The following ANO3 variants were observed in gnomAD, a reference collection of about 807,000 sequenced individuals.
The protein encoded by ANO3 is anoctamin 3.
A neutral mutation model predicts 144.8 loss-of-function variants in ANO3; 99 were observed. The ratio of observed to expected loss-of-function variants is 0.68; its 90% CI spans 0.58 to 0.81. The LOEUF is 0.81. Ranked by LOEUF, ANO3 falls within the 30% of genes least tolerant of loss-of-function variation. ANO3 has a pLI of 0.00. For missense variants in ANO3, 905 were observed against 1,202.2 expected (o/e 0.75, Z 3.66); for synonymous variants, 414 against 392.6 (o/e 1.05, Z -0.64).
intron 1 of ANO3, among the ~76,000 whole-genome samples, chr11:26,283,793 A>G (rs1372484709): frequency 6.6e-6 from 1 of 152,208 alleles, no homozygotes; most frequent in Non-Finnish European, 1.5e-5. Context: ...ATAATAAGCC[A>G]CCAAACATAT....
chr11:26,362,074 G>C (rs1038168403), intron 1 of ANO3, among the ~76,000 whole-genome samples: 1 of 152,062 alleles, frequency 6.6e-6, no homozygotes, highest in African/African-American at 2.4e-5. Flanking sequence ...TAGGACTCAG[G>C]TTGCAGCTTC....
At chr11:26,216,082 T>C (rs1239266710) in intron 1 of ANO3, among the ~76,000 whole-genome samples, 1 of 152,030 alleles carries the variant, frequency 6.6e-6, no homozygotes, top group African/African-American at 2.4e-5. Context: ...AGTTAGGTTG[T>C]TTCATGTATT....
chr11:26,380,325 GT>G (rs767738010), intron 1 of ANO3, among the ~76,000 whole-genome samples: 50 of 152,262 alleles, frequency 3.3e-4, no homozygotes, highest in Non-Finnish European at 4.3e-4. Context: ...TTCTTTGCCA[GT>G]TTTAAAGGGA....
chr11:26,254,107 T>C (rs11029428), intron 1 of ANO3, among the ~76,000 whole-genome samples: 2,799 of 152,248 alleles, frequency 0.018, 70 homozygotes, highest in East Asian at 0.13. Flanking sequence ...ATTTAACAGT[T>C]TAGGCTTTTG....
At chr11:26,327,539 T>A (rs1288807953), upstream of ANO3, among the ~76,000 whole-genome samples, 1 of 151,998 alleles carries the variant, frequency 6.6e-6, no homozygotes, top group Non-Finnish European at 1.5e-5. Context: ...AGCAGACCAA[T>A]AAGGAAGAAA....
intron 11 of ANO3, among the ~76,000 whole-genome samples, chr11:26,544,251 CATATAT>C (rs1554967685): frequency 0.05 from 1,912 of 38,520 alleles, 190 homozygotes; most frequent in African/African-American, 0.12. Flanking sequence ...TTTCATTATA[CATATAT>C]ATATATATAT....
intron 5 of ANO3, among the ~76,000 whole-genome samples, chr11:26,513,782 T>C (rs993159323): frequency 1.3e-5 from 2 of 152,150 alleles, no homozygotes; most frequent in African/African-American, 4.8e-5. Flanking sequence ...CTCAAGGTCA[T>C]GGCTACTCAG....
chr11:26,557,576 G>GGACAA (rs1850125785), intron 13 of ANO3, among the ~76,000 whole-genome samples: 1 of 151,870 alleles, frequency 6.6e-6, no homozygotes, highest in South Asian at 2.1e-4. Context: ...TATATGTGTA[G>GGACAA]GACAAGATTC....
At chr11:26,341,578 T>C (rs1855360807) in intron 1 of ANO3, among the ~76,000 whole-genome samples, 1 of 152,230 alleles carries the variant, frequency 6.6e-6, no homozygotes. Context: ...ATTAGGATTC[T>C]TCAGAGGGGC....
chr11:26,647,882 C>A (rs1232310342), intron 24 of ANO3, 26 bp downstream of exon 24: 2 of 1,590,796 alleles, frequency 1.3e-6, no homozygotes, highest in East Asian at 2.3e-5. Flanking sequence ...AAACATTTTC[C>A]TGATATGTTT....
At chr11:26,471,657 T>C (rs752614055) in intron 4 of ANO3, among the ~76,000 whole-genome samples, 1 of 151,828 alleles carries the variant, frequency 6.6e-6, no homozygotes, top group Non-Finnish European at 1.5e-5. Flanking sequence ...AATATGTCTA[T>C]AGCAGAGGGC....
At chr11:26,293,033 A>T (rs924662746) in intron 1 of ANO3, among the ~76,000 whole-genome samples, 1 of 152,188 alleles carries the variant, frequency 6.6e-6, no homozygotes, top group Admixed American at 6.6e-5. Flanking sequence ...AGCTGTTCCT[A>T]TTCGGCCATC....
intron 4 of ANO3, among the ~76,000 whole-genome samples, chr11:26,494,844 C>T (rs1158824099): frequency 2.0e-5 from 3 of 152,076 alleles, no homozygotes; most frequent in Non-Finnish European, 4.4e-5. Context: ...AAATTGTACG[C>T]ATGATTTGAA....
At chr11:26,371,115 T>C (rs1456898383) in intron 1 of ANO3, among the ~76,000 whole-genome samples, 2 of 152,096 alleles carry the variant, frequency 1.3e-5, no homozygotes, top group Non-Finnish European at 1.5e-5. Flanking sequence ...AAAACTCCTT[T>C]AGTGGACCAG....
chr11:26,265,782 T>G (rs934438050), intron 1 of ANO3, among the ~76,000 whole-genome samples: 8 of 152,176 alleles, frequency 5.3e-5, no homozygotes, highest in African/African-American at 1.9e-4. Context: ...CTTCTCAAAC[T>G]TCAAGTGGGA....
chr11:26,315,221 T>C (rs1854594549), intron 1 of ANO3, among the ~76,000 whole-genome samples: 1 of 152,160 alleles, frequency 6.6e-6, no homozygotes, highest in African/African-American at 2.4e-5. Flanking sequence ...CCTATCTAAT[T>C]ATCAGTCCAT....
chr11:26,297,724 C>CT (rs1195298680), intron 1 of ANO3, among the ~76,000 whole-genome samples: 5 of 152,196 alleles, frequency 3.3e-5, no homozygotes, highest in Admixed American at 2.6e-4. Flanking sequence ...GGCAATAATT[C>CT]TGAGTACCCA....
In ANO3 at chr11:26,367,669, G is replaced by A. The variant is rs145441605; in HGVS notation, c.46+35348G>A. Among the ~76,000 whole-genome samples, 17 of 152,242 alleles carry A rather than the reference G, an allele frequency of 1.1e-4. No individual in the cohort carries two copies. The East Asian group carries it at 2.9e-3, about 26-fold the overall frequency. The stretch of plus-strand genomic sequence containing the variant: ...TCTACATAGAAATACTTGAGGCTGG[G>A]TAATTTTTAAAGAAAAGAGGTTTAA... On this transcript the variant is annotated intron_variant, in intron 1 of 26. Transcript: ENST00000256737.
At position 26,316,110 on chromosome 11, in the gene ANO3, G is replaced by T. The variant is rs147870372; in HGVS notation, c.-3+6391G>T. ...ATTTACCCTAGATGTGGTCTGCATA[G>T]TTCCCAGTTATTGCGGGATCTGGCC... On this transcript the variant is annotated intron_variant, in intron 1 of 26. Transcript: ENST00000525139. Among the ~76,000 whole-genome samples, 1,237 of 152,292 alleles carry T rather than the reference G, an allele frequency of 8.1e-3. 15 individuals are homozygous for T. The highest frequency in any genetic ancestry group is 0.027 in the African/African-American group (1,137 of 41,572).
Sources: gnomAD v4.1 joint callset for allele counts (sites outside exome capture counted in the v4.1 genomes callset) on GRCh38, gnomAD v4.1.1 for gene constraint, MANE v1.5 for transcripts, NCBI Gene and HGNC (gene_info 2026-07-23, HGNC 2026-07-21) for gene names.